The following MARF1 variants were observed in gnomAD, a reference collection of about 807,000 sequenced individuals.
MARF1 encodes the protein meiosis regulator and mRNA stability factor 1, also known as limkain-b1.
A neutral mutation model predicts 168.2 loss-of-function variants in MARF1; 24 were observed. The observed-to-expected ratio is 0.14, with a 90% CI of 0.10 to 0.20. The LOEUF is 0.20. Ranked by LOEUF, MARF1 falls within the 10% of genes least tolerant of loss-of-function variation. MARF1 has a pLI of 1.00. For synonymous variants in MARF1, 868 were observed against 822.4 expected, an observed-to-expected ratio of 1.06 and a Z score of -0.95; for missense variants, 1,744 against 2,143.6, an observed-to-expected ratio of 0.81 and a Z score of 3.68.
At chr16:15,609,438 AGAAAAACAGGTCTG>A (rs1428904556) in intron 20 of MARF1, 71 bp downstream of exon 20, 2 of 1,153,526 alleles carry the variant, frequency 1.7e-6, no homozygotes, top group Admixed American at 4.7e-5. Flanking sequence ...CCTACTTCCC[AGAAAAACAGGTCTG>A]GAACGTGAAA....
intron 5 of MARF1, among the ~76,000 whole-genome samples, chr16:15,632,160 T>C (rs538554485): frequency 1.3e-5 from 2 of 152,368 alleles, no homozygotes; most frequent in Admixed American, 6.5e-5. Flanking sequence ...CTTCTGTTTT[T>C]GCATTTCTTT....
At chr16:15,622,747 G>A (rs1398465978) in intron 11 of MARF1, among the ~76,000 whole-genome samples, 187 bp downstream of exon 11, 3 of 152,188 alleles carry the variant, frequency 2.0e-5, no homozygotes, top group Non-Finnish European at 4.4e-5. Flanking sequence ...CTTGCTCTCT[G>A]GGGCTAACAT....
At chr16:15,638,405 G>A (rs1596510721) in intron 2 of MARF1, among the ~76,000 whole-genome samples, 1 of 152,032 alleles carries the variant, frequency 6.6e-6, no homozygotes, top group Non-Finnish European at 1.5e-5. Flanking sequence ...GGCCAACATG[G>A]CGAAACCTCG....
At chr16:15,624,180 A>C (rs566703613) in intron 10 of MARF1, among the ~76,000 whole-genome samples, 14 of 152,166 alleles carry the variant, frequency 9.2e-5, no homozygotes, top group South Asian at 6.2e-4. Flanking sequence ...CGGCCTCCCA[A>C]AGTGCTGGGA....
chr16:15,599,166 A>AC (rs1555519139), intron 25 of MARF1, 142 bp from the exon 26 acceptor site: 6 of 799,144 alleles, frequency 7.5e-6, no homozygotes, highest in South Asian at 3.3e-5. Flanking sequence ...AAAAAAAAAA[A>AC]AAAAAAAAAC....
rs373587993 is a variant in MARF1, at chr16:15,619,738, T to C, written c.2720+713A>G. Among the ~76,000 whole-genome samples, 12 of 152,350 alleles carry C rather than the reference T, an allele frequency of 7.9e-5. No individual in the cohort carries two copies. In the East Asian group the frequency reaches 1.9e-3, roughly 24 times the overall value. On this transcript the variant is annotated intron_variant, in intron 13 of 26. Coordinates refer to ENST00000396368, the MANE Select transcript of MARF1 (RefSeq NM_014647.4). ...CCAGTTCTGCCTTCTCTGCAGTGCC[T>C]TGGTCTTGTACTCACTAGTCCCTGC...
intron 6 of MARF1, 139 bp downstream of exon 6, chr16:15,631,242 T>G: frequency 1.9e-6 from 1 of 535,440 alleles, no homozygotes; most frequent in South Asian, 2.8e-5. Flanking sequence ...TTCTAAACAG[T>G]TCTCAACAAT....
At chr16:15,613,978 G>C (rs1403712971) in intron 16 of MARF1, among the ~76,000 whole-genome samples, 1 of 152,184 alleles carries the variant, frequency 6.6e-6, no homozygotes, top group African/African-American at 2.4e-5. Context: ...AACAAGTAAA[G>C]TGTCGTTCAC....
chr16:15,631,624 C>T lies in MARF1; in HGVS notation c.1234-126G>A, dbSNP rs139823264. Reference sequence around the variant, plus strand: ...TAAGTTCTGGGGTACATGTGCAGAACGTGCAGGTTTGTTACATAGGTATAC... The same window carrying T: ...TAAGTTCTGGGGTACATGTGCAGAATGTGCAGGTTTGTTACATAGGTATAC... On this transcript the variant is annotated intron_variant, in intron 5 of 26. Transcript: ENST00000396368. 6.7e-3 allele frequency: 3,597 copies of T among 539,698 alleles called. 193 individuals carry two copies. In the Admixed American group the frequency reaches 0.1, roughly 15 times the overall value. 33.4% of individuals were successfully genotyped at this position (539,698 alleles called of 1,614,324 possible). A position where few individuals can be genotyped will look rare whatever the true frequency, so the allele number is the denominator to read the frequency against.
chr16:15,609,227 G>C (rs1310545403), intron 20 of MARF1, among the ~76,000 whole-genome samples: 1 of 151,854 alleles, frequency 6.6e-6, no homozygotes, highest in Non-Finnish European at 1.5e-5. Context: ...CGACAAGAAA[G>C]AAACTCCGTC....
At chr16:15,626,390 G>A (rs11649126) in intron 7 of MARF1, among the ~76,000 whole-genome samples, 26,163 of 152,062 alleles carry the variant, frequency 0.17, 2,658 homozygotes, top group Middle Eastern at 0.29. Flanking sequence ...ATATCTCAAC[G>A]AAGTTGTTTT....
chr16:15,599,913 G>A lies in MARF1; in HGVS notation c.4813+515C>T, dbSNP rs145349075. ...GCTGAACTTGCCGGCTCGCTCTAGA[G>A]TCTTAGCTTGAGTCAGTTTAGTGAG... On this transcript the variant is annotated intron_variant, in intron 25 of 26. Transcript: ENST00000396368. 1.9e-3 allele frequency among the ~76,000 whole-genome samples: 288 copies of A among 152,286 alleles called. 3 individuals are homozygous for A. In the Middle Eastern group the frequency reaches 0.031, roughly 16 times the overall value.
chr16:15,613,095 A>C (rs773692338), intron 16 of MARF1, among the ~76,000 whole-genome samples: 1 of 152,220 alleles, frequency 6.6e-6, no homozygotes, highest in Non-Finnish European at 1.5e-5. Context: ...GAAACTAGTT[A>C]TATTTCCAAG....
chr16:15,595,846 A>C lies in MARF1; in HGVS notation c.*847T>G, dbSNP rs2031629059. ...TTTATGCACTTGATGCATATTTTAGAAAATCAGGCTCTTTCCAATGCTGCC... is the reference window on the plus strand; with the variant it reads ...TTTATGCACTTGATGCATATTTTAGCAAATCAGGCTCTTTCCAATGCTGCC... On this transcript the variant is annotated 3_prime_UTR_variant, in exon 27 of 27. Transcript: ENST00000396368. 6.6e-6 allele frequency: 1 copy of C among 152,220 alleles called. No homozygotes were observed. The highest frequency in any genetic ancestry group is 1.5e-5 in the Non-Finnish European group (1 of 68,048). The allele number at this position is 152,220 out of a possible 1,614,324, so 9.4% of individuals were successfully genotyped here. A position where few individuals can be genotyped will look rare whatever the true frequency, so the allele number is the denominator to read the frequency against.
intron 21 of MARF1, 50 bp from the exon 22 acceptor site, chr16:15,604,448 A>G (rs1285949933): frequency 7.7e-7 from 1 of 1,305,702 alleles, no homozygotes; most frequent in Non-Finnish European, 1.1e-6. Context: ...GAGACACCCT[A>G]GGTTATACCC....
At chr16:15,598,703 G>T in intron 26 of MARF1, 151 bp downstream of exon 26, 1 of 800,928 alleles carries the variant, frequency 1.2e-6, no homozygotes, top group Non-Finnish European at 2.0e-6. Context: ...AGGAACCCAG[G>T]TGGGGAAAGA....
intron 12 of MARF1, among the ~76,000 whole-genome samples, 194 bp from the exon 13 acceptor site, chr16:15,620,725 C>G (rs1480881004): frequency 6.6e-6 from 1 of 152,126 alleles, no homozygotes; most frequent in Non-Finnish European, 1.5e-5. Context: ...TTACGTTACA[C>G]AGTAGAATTA....
At chr16:15,633,878 T>G in intron 4 of MARF1, 35 bp from the exon 5 acceptor site, 2 of 1,516,192 alleles carry the variant, frequency 1.3e-6, no homozygotes, top group East Asian at 2.3e-5. Flanking sequence ...TTACTTGTAG[T>G]GGAAAATAAA....
chr16:15,599,910 A>G (rs565606308), intron 25 of MARF1, among the ~76,000 whole-genome samples: 2 of 152,236 alleles, frequency 1.3e-5, no homozygotes, highest in African/African-American at 4.8e-5. Flanking sequence ...GGCTCGCTCT[A>G]GAGTCTTAGC....
Sources: allele counts gnomAD v4.1 joint callset (sites outside exome capture counted in the v4.1 genomes callset), GRCh38; gene constraint gnomAD v4.1.1; transcripts MANE v1.5; gene names NCBI Gene and HGNC (gene_info 2026-07-23, HGNC 2026-07-21).